The following LRCH2 variants were observed in gnomAD, a reference collection of about 807,000 sequenced individuals.
LRCH2 encodes leucine-rich repeat and calponin homology domain-containing protein 2.
In LRCH2, 38 loss-of-function variants were observed where a neutral mutation model predicts 68.9. The ratio of observed to expected loss-of-function variants is 0.55; its 90% confidence interval spans 0.43 to 0.72. The LOEUF (loss-of-function observed/expected upper bound fraction) is 0.72. Ranked by LOEUF, LRCH2 falls within the 30% of genes least tolerant of loss-of-function variation. The pLI is 0.00. For missense variants in LRCH2, 528 were observed against 572.9 expected (o/e 0.92, Z 0.80); for synonymous variants, 191 against 208.1 (o/e 0.92, Z 0.71).
intron 14 of LRCH2, among the ~76,000 whole-genome samples, chrX:115,149,455 C>T (rs2072414893): frequency 1.8e-5 from 2 of 111,705 alleles, no homozygotes; most frequent in African/African-American, 6.5e-5. Context: ...CACTTATTTA[C>T]ATAGGAACAG....
In LRCH2 at chrX:115,234,079, A is replaced by G. The variant is rs782350072; in HGVS notation, c.-38T>C. The G allele has an allele frequency of 1.2e-5, 14 of 1,149,317 alleles. No individual in the cohort carries two copies. The African/African-American group carries it at 2.6e-4, about 21-fold the overall frequency. The allele number at this position is 1,149,317 out of a possible 1,213,427, so 94.7% of individuals were successfully genotyped here. Reference sequence around the variant, plus strand: ...GAGAATAGCCCCCGACAATACTGTCAGCCTGTGCCGCGAGTGTAAGGGGTT... The same window carrying G: ...GAGAATAGCCCCCGACAATACTGTCGGCCTGTGCCGCGAGTGTAAGGGGTT... On this transcript the variant is annotated 5_prime_UTR_variant, in exon 1 of 21. Coordinates refer to ENST00000317135, the MANE Select transcript of LRCH2 (RefSeq NM_020871.4).
chrX:115,132,497 T>C (rs782715306), intron 14 of LRCH2, among the ~76,000 whole-genome samples: 1 of 112,037 alleles, frequency 8.9e-6, no homozygotes, highest in African/African-American at 3.2e-5. Context: ...GAAAAATAGA[T>C]AACCAACCTG....
chrX:115,175,136 C>T (rs2072637212), intron 5 of LRCH2, among the ~76,000 whole-genome samples: 1 of 112,055 alleles, frequency 8.9e-6, no homozygotes, highest in Non-Finnish European at 1.9e-5. Context: ...GGCGTGCCCA[C>T]AGAGGGCACA....
At chrX:115,194,896 G>A (rs1433278072) in intron 1 of LRCH2, among the ~76,000 whole-genome samples, 2 of 111,310 alleles carry the variant, frequency 1.8e-5, no homozygotes, top group African/African-American at 3.3e-5. Flanking sequence ...TGTATAAACC[G>A]AGACATCTGA....
At chrX:115,168,460 G>A (rs2072581040) in intron 6 of LRCH2, among the ~76,000 whole-genome samples, 1 of 111,549 alleles carries the variant, frequency 9.0e-6, no homozygotes, top group Non-Finnish European at 1.9e-5. Flanking sequence ...TATTAAATAA[G>A]CATATAAAAT....
chrX:115,166,124 T>C, intron 7 of LRCH2, 131 bp downstream of exon 7: 1 of 656,430 alleles, frequency 1.5e-6, no homozygotes. Flanking sequence ...ATGCCCTTTT[T>C]TTCAGTTTTA....
At position 115,184,431 on chromosome X, in the gene LRCH2, A is replaced by G; in HGVS notation, c.601T>C (p.Leu201=). ...LVSIPEEIGK[L]KDLMELDISC... is the part of the protein sequence containing the mutation. The stretch of plus-strand genomic sequence containing the variant: ...CTCACCAATTCCATTAAATCTTTTA[A>G]CTTCCCAATTTCTTCTGGAATGGAT... Residue 201 remains leucine, a synonymous_variant, in exon 3 of 21, where the codon TTA becomes CTA. Coordinates refer to ENST00000317135, the MANE Select transcript of LRCH2 (RefSeq NM_020871.4). 8.5e-7 allele frequency: 1 copy of G among 1,177,361 alleles called. No homozygotes were observed. Among genetic ancestry groups the G allele is most frequent in the East Asian group, 3.0e-5 (1 of 32,882 alleles).
chrX:115,171,810 G>A (rs2072606570), intron 5 of LRCH2, among the ~76,000 whole-genome samples: 1 of 108,907 alleles, frequency 9.2e-6, no homozygotes, highest in Admixed American at 9.9e-5. Context: ...GATTAGCTGG[G>A]ATGAAATTAC....
At chrX:115,120,247 G>C (rs1217101406) in intron 20 of LRCH2, among the ~76,000 whole-genome samples, 1 of 90,956 alleles carries the variant, frequency 1.1e-5, no homozygotes, top group Non-Finnish European at 2.2e-5. Flanking sequence ...TACAAAATGG[G>C]AGAAAATTTT....
chrX:115,136,985 T>C (rs1229420613), intron 14 of LRCH2, among the ~76,000 whole-genome samples: 6 of 112,261 alleles, frequency 5.3e-5, no homozygotes, highest in Admixed American at 4.7e-4. Flanking sequence ...ATGCATACAA[T>C]GTGTAATCAT....
At position 115,206,448 on chromosome X, in the gene LRCH2, C is replaced by A. The variant is rs145468458; in HGVS notation, c.350-18078G>T. Among the ~76,000 whole-genome samples the A allele has an allele frequency of 3.6e-3, 397 of 111,824 alleles. 1 individual carries two copies. The Middle Eastern group carries it at 0.051, about 14-fold the overall frequency. On this transcript the variant is annotated intron_variant, in intron 1 of 20. Coordinates refer to ENST00000317135, the MANE Select transcript of LRCH2 (RefSeq NM_020871.4). ...TGAGGGCAAGGAACACCTGGCCCAC[C>A]CAGGGCAGACAACCGCTTAAAGGTG...
intron 1 of LRCH2, among the ~76,000 whole-genome samples, chrX:115,204,077 C>T (rs2072948660): frequency 8.8e-6 from 1 of 113,013 alleles, no homozygotes; most frequent in African/African-American, 3.2e-5. Flanking sequence ...TTCTAAGCAC[C>T]CACAGGCCCA....
At chrX:115,218,819 G>A (rs140308432) in intron 1 of LRCH2, among the ~76,000 whole-genome samples, 1,175 of 112,129 alleles carry the variant, frequency 0.01, 8 homozygotes, top group African/African-American at 0.036. Context: ...ACCCTGTAGA[G>A]TGTACTTTCC....
At chrX:115,181,087 A>G (rs1188280765) in intron 3 of LRCH2, among the ~76,000 whole-genome samples, 2 of 111,794 alleles carry the variant, frequency 1.8e-5, no homozygotes, top group African/African-American at 6.5e-5. Context: ...ATACTAATAT[A>G]TAAGAAAGGA....
chrX:115,137,409 C>T (rs1192835111), intron 14 of LRCH2, among the ~76,000 whole-genome samples: 1 of 109,109 alleles, frequency 9.2e-6, no homozygotes, highest in Non-Finnish European at 1.9e-5. Flanking sequence ...TAAGAAACAT[C>T]TAGAGTCATT....
chrX:115,149,686 C>T, intron 14 of LRCH2, 141 bp downstream of exon 14: 1 of 405,485 alleles, frequency 2.5e-6, no homozygotes. Flanking sequence ...GATTGTATTA[C>T]CCCATATATG....
intron 1 of LRCH2, among the ~76,000 whole-genome samples, chrX:115,194,109 CAT>C: frequency 9.0e-6 from 1 of 110,706 alleles, no homozygotes; most frequent in East Asian, 2.8e-4. Flanking sequence ...AGAACATTAA[CAT>C]ATGCATTACT....
At chrX:115,142,104 T>C (rs2072344753) in intron 14 of LRCH2, among the ~76,000 whole-genome samples, 1 of 111,164 alleles carries the variant, frequency 9.0e-6, no homozygotes, top group African/African-American at 3.3e-5. Flanking sequence ...GTAAACTTAG[T>C]CAGAGGATAT....
chrX:115,183,465 C>T (rs1269047883), intron 3 of LRCH2, among the ~76,000 whole-genome samples: 1 of 111,329 alleles, frequency 9.0e-6, no homozygotes, highest in Non-Finnish European at 1.9e-5. Context: ...GAGGCCGAAG[C>T]AAGTGGATCA....
Sources: allele counts gnomAD v4.1 joint callset (sites outside exome capture counted in the v4.1 genomes callset), GRCh38; gene constraint gnomAD v4.1.1; transcripts MANE v1.5; gene names NCBI Gene and HGNC (gene_info 2026-07-23, HGNC 2026-07-21).